Variants in MYLK observed in about 807,000 individuals in gnomAD.
The protein encoded by MYLK is myosin light chain kinase.
A neutral mutation model predicts 203.4 loss-of-function variants in MYLK; 106 were observed. That is an observed-to-expected ratio of 0.52 (90% CI 0.45 to 0.61). The LOEUF (loss-of-function observed/expected upper bound fraction) is 0.61. MYLK is among the 20% of genes least tolerant of loss of function. MYLK has a pLI of 0.00. For synonymous variants in MYLK, 867 were observed against 959.5 expected (o/e 0.90, Z 1.78); for missense variants, 2,072 against 2,442.3 (o/e 0.85, Z 3.20).
intron 20 of MYLK, among the ~76,000 whole-genome samples, chr3:123,680,605 A>G (rs190781859): frequency 1.3e-3 from 195 of 152,352 alleles, no homozygotes; most frequent in Middle Eastern, 3.4e-3. Flanking sequence ...TTAAGTATCA[A>G]TGAGAAATTA....
At chr3:123,763,741 C>A (rs1420002929) in intron 4 of MYLK, among the ~76,000 whole-genome samples, 2 of 152,156 alleles carry the variant, frequency 1.3e-5, no homozygotes. Flanking sequence ...TTAGAATCTT[C>A]TTTTCATTCT....
chr3:123,726,163 C>A (rs768175619), intron 11 of MYLK, 85 bp from the exon 12 acceptor site: 128 of 1,568,646 alleles, frequency 8.2e-5, no homozygotes, highest in Non-Finnish European at 1.1e-4. Flanking sequence ...CCCAGGCACG[C>A]CTCACTGTCC....
intron 20 of MYLK, among the ~76,000 whole-genome samples, chr3:123,679,222 G>A (rs1353296787): frequency 2.0e-5 from 3 of 150,856 alleles, no homozygotes; most frequent in South Asian, 2.1e-4. Flanking sequence ...CAGGAGAATC[G>A]CTTGAAACCA....
intron 28 of MYLK, chr3:123,639,057 G>A: frequency 1.0e-6 from 1 of 985,422 alleles, no homozygotes; most frequent in Non-Finnish European, 1.2e-6. Context: ...GGTGGACACG[G>A]TTGTTCCCAC....
Position 123,812,487 on chromosome 3 carries a change from C to T in MYLK, c.-3-18643G>A, listed in dbSNP as rs2065594719. On this transcript the variant is annotated intron_variant, in intron 3 of 33. Transcript: ENST00000360304. ...TCCATATCTAGCCTGGCCTCTAAAG[C>T]AGAGCGTTCTCTCTTGAGTGAGACA... Among the ~76,000 whole-genome samples, 3 of 152,208 alleles carry T rather than the reference C, an allele frequency of 2.0e-5. No individual in the cohort carries two copies. In the South Asian group the frequency reaches 6.2e-4, roughly 32 times the overall value.
chr3:123,635,857 C>A (rs965446737), intron 29 of MYLK, among the ~76,000 whole-genome samples: 1 of 152,138 alleles, frequency 6.6e-6, no homozygotes, highest in Non-Finnish European at 1.5e-5. Context: ...CAAAGCAGAA[C>A]GGATAAATTA....
chr3:123,877,476 T>C (rs1285272336), intron 1 of MYLK, among the ~76,000 whole-genome samples: 1 of 152,216 alleles, frequency 6.6e-6, no homozygotes, highest in Non-Finnish European at 1.5e-5. Flanking sequence ...AAACCAAGTG[T>C]TTCTCTGCCT....
At chr3:123,786,001 T>A (rs2064501081) in intron 4 of MYLK, among the ~76,000 whole-genome samples, 2 of 152,064 alleles carry the variant, frequency 1.3e-5, no homozygotes, top group Non-Finnish European at 2.9e-5. Context: ...ATAAATTGAT[T>A]AAAAAACTGA....
rs764696619 is a variant in MYLK at position 123,700,586 on chromosome 3, C to T, written c.2882G>A (p.Gly961Glu). Residue 961 changes from glycine (G) to glutamate (E), a missense_variant, in exon 18 of 34, where the codon GGG becomes GAG. This residue lies in a region of MYLK where 865 missense variants were observed against 1,016.0 expected (regional missense o/e 0.85). Coordinates refer to ENST00000360304, the MANE Select transcript of MYLK (RefSeq NM_053025.4). ...CTCAGGCACGGGGGTCTTGGAAGTC[C>T]CCTTCTTGGCCAGGACAGAGCGAAA... is the stretch of plus-strand genomic sequence containing the variant. ...VDFRSVLAKK[G>E]TSKTPVPEKV... 6.2e-7 allele frequency: 1 copy of T among 1,613,636 alleles called. No individual in the cohort carries two copies. The highest frequency in any genetic ancestry group is 2.2e-5 in the East Asian group (1 of 44,840).
At chr3:123,643,949 T>C (rs1426818758) in intron 27 of MYLK, among the ~76,000 whole-genome samples, 2 of 152,232 alleles carry the variant, frequency 1.3e-5, no homozygotes, top group Non-Finnish European at 2.9e-5. Flanking sequence ...CACAACCACC[T>C]GGAATGTCCC....
At chr3:123,666,896 G>A in intron 21 of MYLK, 2 of 609,418 alleles carry the variant, frequency 3.3e-6, no homozygotes, top group Middle Eastern at 4.4e-4. Flanking sequence ...GTATGATGCT[G>A]TCAACATGGG....
intron 24 of MYLK, among the ~76,000 whole-genome samples, chr3:123,655,186 C>T (rs2059354269): frequency 6.6e-6 from 1 of 152,138 alleles, no homozygotes; most frequent in East Asian, 1.9e-4. Flanking sequence ...CACTACCAAC[C>T]AAAGGACTAA....
At chr3:123,776,312 C>T (rs915514297) in intron 4 of MYLK, among the ~76,000 whole-genome samples, 2 of 152,170 alleles carry the variant, frequency 1.3e-5, no homozygotes, top group Non-Finnish European at 2.9e-5. Context: ...AAAACTGGTG[C>T]TATGTCTTCT....
At chr3:123,628,540 C>T (rs1275161820) in intron 30 of MYLK, among the ~76,000 whole-genome samples, 1 of 152,216 alleles carries the variant, frequency 6.6e-6, no homozygotes, top group Non-Finnish European at 1.5e-5. Context: ...CAGGCCCTGC[C>T]TCATCTAGTC....
rs1559981495 is a variant in MYLK at position 123,626,800 on chromosome 3, A to G, written c.5238+18T>C. The G allele has an allele frequency of 6.2e-7, 1 of 1,614,140 alleles. No homozygotes were observed. Among genetic ancestry groups the G allele is most frequent in the Non-Finnish European group, 8.5e-7 (1 of 1,179,994 alleles). ...ATATGAGGGGCAACATCCCAGTCCA[A>G]AGTGACCCTCTCATTACCTGCCATT... On this transcript the variant is annotated intron_variant, in intron 31 of 33. Coordinates refer to ENST00000360304, the MANE Select transcript of MYLK (RefSeq NM_053025.4).
intron 24 of MYLK, among the ~76,000 whole-genome samples, chr3:123,656,417 G>A (rs1371636784): frequency 1.3e-5 from 2 of 152,122 alleles, no homozygotes; most frequent in African/African-American, 2.4e-5. Flanking sequence ...ACTTCCTCCT[G>A]TTCTGTCTCA....
intron 23 of MYLK, among the ~76,000 whole-genome samples, chr3:123,662,080 C>T (rs1432633441): frequency 3.9e-5 from 6 of 152,158 alleles, no homozygotes; most frequent in Non-Finnish European, 8.8e-5. Context: ...TAAGGCTCAG[C>T]ATGAGAAAAA....
At chr3:123,838,810 C>A (rs973875986) in intron 2 of MYLK, among the ~76,000 whole-genome samples, 1 of 151,958 alleles carries the variant, frequency 6.6e-6, no homozygotes, top group Non-Finnish European at 1.5e-5. Context: ...AATAAAAATT[C>A]TCAGCTGGAT....
At chr3:123,622,525 G>T (rs968310247) in intron 31 of MYLK, 4 of 152,236 alleles carry the variant, frequency 2.6e-5, no homozygotes, top group Non-Finnish European at 4.4e-5. Flanking sequence ...GCGAGACGAT[G>T]TCTTTTTTCT....
Sources: allele counts gnomAD v4.1 joint callset (sites outside exome capture counted in the v4.1 genomes callset), GRCh38; gene constraint gnomAD v4.1.1; regional missense constraint gnomAD v4.1.1; transcripts MANE v1.5; gene names NCBI Gene and HGNC (gene_info 2026-07-23, HGNC 2026-07-21).